Variants in XKR6 observed in about 807,000 individuals in gnomAD.
XKR6 encodes the protein XK related 6.
XKR6 carries 22 observed loss-of-function variants against 56.7 expected under a neutral mutation model. The ratio of observed to expected loss-of-function variants is 0.39; its 90% CI spans 0.28 to 0.55. XKR6 has a LOEUF of 0.55. XKR6 is among the 20% of genes least tolerant of loss of function. XKR6 has a pLI of 0.66. For synonymous variants in XKR6, 524 were observed against 387.8 expected (o/e 1.35, Z -4.13); for missense variants, 852 against 889.0 (o/e 0.96, Z 0.53).
chr8:11,114,656 T>G (rs1704835400), intron 1 of XKR6, among the ~76,000 whole-genome samples: 1 of 152,108 alleles, frequency 6.6e-6, no homozygotes, highest in South Asian at 2.1e-4. Flanking sequence ...CCACCGCACC[T>G]GGCCAAACAT....
rs770239612 is a variant in XKR6 at position 10,898,550 on chromosome 8, A to C, written c.1328T>G (p.Phe443Cys). 3.7e-6 allele frequency: 6 copies of C among 1,614,162 alleles called. No individual in the cohort carries two copies. In the South Asian group the frequency reaches 6.6e-5, roughly 18 times the overall value. The change falls in exon 3 of 3, where the codon TTT becomes TGT. Residue 443 changes from phenylalanine (F) to cysteine (C), a missense_variant. By Grantham distance (205) the Phe-to-Cys change is radical. Transcript: ENST00000416569. This position sits in a 1 kb window ranked among gnomAD's most constrained non-coding sequence, Gnocchi z 6.6. ...GGTCAAGACTATCGTATAATATGCA[A>C]ACATTCGATATCGAGTCCGCCCTTC... is the stretch of plus-strand genomic sequence containing the variant. ...VKEGRTRYRM[F>C]AYYTIVLTEN...
intron 1 of XKR6, among the ~76,000 whole-genome samples, chr8:11,085,763 C>T (rs917754007): frequency 9.8e-5 from 15 of 152,300 alleles, no homozygotes; most frequent in Non-Finnish European, 2.1e-4. Flanking sequence ...CCTGGGACAG[C>T]AACGGTCTGG....
At chr8:11,173,609 C>G (rs990114485) in intron 1 of XKR6, among the ~76,000 whole-genome samples, 6 of 152,060 alleles carry the variant, frequency 3.9e-5, no homozygotes, top group Admixed American at 3.9e-4. Flanking sequence ...CATGAGAGTT[C>G]AGTGAGTGAC....
chr8:10,928,091 A>G (rs1383142095), intron 1 of XKR6, among the ~76,000 whole-genome samples: 2 of 152,152 alleles, frequency 1.3e-5, no homozygotes, highest in African/African-American at 2.4e-5. Context: ...CTGGTTTGCA[A>G]TATAATTAGG....
chr8:10,962,071 A>G (rs1586360798), intron 1 of XKR6, among the ~76,000 whole-genome samples: 1 of 152,236 alleles, frequency 6.6e-6, no homozygotes, highest in Admixed American at 6.5e-5. Flanking sequence ...TCTTTGAAGT[A>G]CAATGAAAAG....
intron 1 of XKR6, among the ~76,000 whole-genome samples, chr8:11,037,365 A>G (rs1221899033): frequency 6.6e-6 from 1 of 152,160 alleles, no homozygotes; most frequent in African/African-American, 2.4e-5. Context: ...AGCTGAGACT[A>G]CAGGTGCACA....
At chr8:11,108,616 T>C (rs1391100268) in intron 1 of XKR6, 1 of 307,856 alleles carries the variant, frequency 3.2e-6, no homozygotes, top group Non-Finnish European at 6.2e-6. Context: ...TTGCAGAGAG[T>C]TTCCGTCCAT....
chr8:11,119,801 A>C (rs1423824698), intron 1 of XKR6, among the ~76,000 whole-genome samples: 1 of 152,202 alleles, frequency 6.6e-6, no homozygotes, highest in Non-Finnish European at 1.5e-5. Flanking sequence ...AATACTGGCA[A>C]ACCGAATCCA....
chr8:10,923,098 C>A (rs1265532375), intron 2 of XKR6, among the ~76,000 whole-genome samples: 2 of 152,226 alleles, frequency 1.3e-5, no homozygotes, highest in African/African-American at 4.8e-5. Flanking sequence ...TGCTGAAGAT[C>A]CCCATACCCC....
intron 1 of XKR6, among the ~76,000 whole-genome samples, chr8:10,974,051 G>A (rs1253074695): frequency 6.6e-6 from 1 of 152,216 alleles, no homozygotes; most frequent in Non-Finnish European, 1.5e-5. Flanking sequence ...GGAAATGAAT[G>A]ATAAAGCTAG....
At chr8:11,002,021 G>C (rs1205420575) in intron 1 of XKR6, among the ~76,000 whole-genome samples, 2 of 150,880 alleles carry the variant, frequency 1.3e-5, no homozygotes, top group South Asian at 2.1e-4. Context: ...TTCTCCTTTA[G>C]GAAATGCCCT....
intron 1 of XKR6, among the ~76,000 whole-genome samples, chr8:11,057,077 C>T (rs1431819683): frequency 6.6e-6 from 1 of 152,218 alleles, no homozygotes; most frequent in Non-Finnish European, 1.5e-5. Flanking sequence ...AAATCACATC[C>T]TTACTCAAAA....
intron 1 of XKR6, among the ~76,000 whole-genome samples, chr8:10,951,554 G>T (rs1413155101): frequency 6.6e-6 from 1 of 152,222 alleles, no homozygotes; most frequent in Non-Finnish European, 1.5e-5. Context: ...TTCTGATCTC[G>T]CCCTCTTACA....
At chr8:10,955,344 CTTATTTTT>C in intron 1 of XKR6, among the ~76,000 whole-genome samples, 1 of 152,212 alleles carries the variant, frequency 6.6e-6, no homozygotes, top group African/African-American at 2.4e-5. Flanking sequence ...AGCTAATTTT[CTTATTTTT>C]TTATTTTTTG....
intron 1 of XKR6, among the ~76,000 whole-genome samples, chr8:11,130,917 A>T (rs192624523): frequency 1.1e-4 from 16 of 152,088 alleles, no homozygotes; most frequent in Admixed American, 1.0e-3. Context: ...TGTGTCCCCA[A>T]ATAGTAGATT....
At chr8:11,184,294 C>T (rs1221164970) in intron 1 of XKR6, among the ~76,000 whole-genome samples, 1 of 152,048 alleles carries the variant, frequency 6.6e-6, no homozygotes, top group Non-Finnish European at 1.5e-5. Flanking sequence ...ACCCCTGGTA[C>T]AGTCTCAACT....
intron 1 of XKR6, among the ~76,000 whole-genome samples, chr8:11,116,049 A>G (rs916361072): frequency 2.6e-5 from 4 of 152,242 alleles, no homozygotes; most frequent in African/African-American, 9.6e-5. Flanking sequence ...GGTTTTAAGC[A>G]AATCAATAAG....
chr8:10,982,833 G>C (rs1797764721), intron 1 of XKR6, among the ~76,000 whole-genome samples: 1 of 152,192 alleles, frequency 6.6e-6, no homozygotes. Context: ...TATTCAGAGA[G>C]CGCAGCCCCA....
intron 2 of XKR6, among the ~76,000 whole-genome samples, chr8:10,923,975 A>G (rs1330692375): frequency 6.6e-6 from 1 of 152,196 alleles, no homozygotes; most frequent in Non-Finnish European, 1.5e-5. Context: ...GCATGGCTCC[A>G]TGGACTGTCT....
Sources: allele counts gnomAD v4.1 joint callset (sites outside exome capture counted in the v4.1 genomes callset), GRCh38; gene constraint gnomAD v4.1.1; non-coding constraint Gnocchi (gnomAD v3.1); transcripts MANE v1.5; gene names NCBI Gene and HGNC (gene_info 2026-07-23, HGNC 2026-07-21).